The following EDARADD variants were observed in gnomAD, a reference collection of about 807,000 sequenced individuals.
EDARADD encodes the protein EDAR associated via death domain.
Under a neutral mutation model 25.6 loss-of-function variants are expected in EDARADD, and 20 were observed. That is an observed-to-expected ratio of 0.78 (90% CI 0.55 to 1.14). The LOEUF (loss-of-function observed/expected upper bound fraction) is 1.14, where lower values mean the gene tolerates loss of function less well. Ranked by LOEUF, EDARADD falls within the 50% of genes most tolerant of loss-of-function variation. The pLI is 0.00. For missense variants in EDARADD, 225 were observed against 270.1 expected (o/e 0.83, Z 1.17); for synonymous variants, 86 against 94.4 (o/e 0.91, Z 0.52).
chr1:236,362,532 G>A (rs1394594406), intron 3 of EDARADD, among the ~76,000 whole-genome samples: 2 of 152,118 alleles, frequency 1.3e-5, no homozygotes, highest in African/African-American at 4.8e-5. Flanking sequence ...CTTTTGTAGA[G>A]CAGAAGTTTT....
At position 236,466,928 on chromosome 1, in the gene EDARADD, G is replaced by A. The variant is rs112949865; in HGVS notation, c.220-1303G>A. 5.4e-3 allele frequency among the ~76,000 whole-genome samples: 826 copies of A among 152,186 alleles called. 2 individuals are homozygous for A. The highest frequency in any genetic ancestry group is 9.3e-3 in the African/African-American group (385 of 41,532). ...CTAAAAATACAAAAATTAGCCAGGC[G>A]TGGTGGCGGGTGGCTGTAGTCCCAG... On this transcript the variant is annotated intron_variant, in intron 4 of 5. Coordinates refer to ENST00000334232, the MANE Select transcript of EDARADD (RefSeq NM_145861.4).
chr1:236,477,501 A>G (rs1659542515), intron 5 of EDARADD, among the ~76,000 whole-genome samples: 1 of 152,156 alleles, frequency 6.6e-6, no homozygotes, highest in Non-Finnish European at 1.5e-5. Flanking sequence ...TTCTCACTAC[A>G]AAGCAGGGTC....
At chr1:236,354,157 T>G (rs1666949815) in intron 3 of EDARADD, among the ~76,000 whole-genome samples, 1 of 152,180 alleles carries the variant, frequency 6.6e-6, no homozygotes, top group African/African-American at 2.4e-5. Context: ...CAGCACAATT[T>G]ATTCCTATAA....
chr1:236,438,168 A>T (rs1658310163), intron 4 of EDARADD, among the ~76,000 whole-genome samples: 1 of 152,108 alleles, frequency 6.6e-6, no homozygotes, highest in South Asian at 2.1e-4. Context: ...AGCCAGTCAT[A>T]TTGAGTTAGG....
intron 4 of EDARADD, 101 bp from the exon 5 acceptor site, chr1:236,468,130 C>CT (rs1659264785): frequency 4.3e-6 from 5 of 1,171,852 alleles, no homozygotes; most frequent in Non-Finnish European, 5.1e-6. Flanking sequence ...CCCACCCCAG[C>CT]CCCCAGGGTT....
intron 3 of EDARADD, among the ~76,000 whole-genome samples, chr1:236,383,635 CA>C (rs1667324836): frequency 6.6e-6 from 1 of 152,184 alleles, no homozygotes; most frequent in Non-Finnish European, 1.5e-5. Context: ...AAAGGAATTA[CA>C]TGTAGTTATA....
At chr1:236,420,254 A>G (rs1558118180) in intron 3 of EDARADD, among the ~76,000 whole-genome samples, 1 of 152,148 alleles carries the variant, frequency 6.6e-6, no homozygotes, top group Non-Finnish European at 1.5e-5. Flanking sequence ...TAATCAATCA[A>G]TCCCTCACTT....
At chr1:236,474,041 C>T (rs1420847821) in intron 5 of EDARADD, among the ~76,000 whole-genome samples, 2 of 152,164 alleles carry the variant, frequency 1.3e-5, no homozygotes, top group Non-Finnish European at 2.9e-5. Context: ...CTGCCACCTC[C>T]ATTTTATAGA....
Position 236,431,845 on chromosome 1 carries a change from C to T in EDARADD, c.219+4395C>T, listed in dbSNP as rs1322826739. Among the ~76,000 whole-genome samples, 3 of 63,746 alleles carry T rather than the reference C, an allele frequency of 4.7e-5. 1 individual carries two copies. Among genetic ancestry groups the T allele is most frequent in the Non-Finnish European group, 1.5e-4 (3 of 19,992 alleles). 41.8% of individuals were successfully genotyped at this position (63,746 alleles called of 152,430 possible). Reference sequence around the variant, plus strand: ...CTGAGGCAGGAGAATGGCGTGAACCCGGGAAGCGGAGCTTGCAGTGAGCCG... The same window carrying T: ...CTGAGGCAGGAGAATGGCGTGAACCTGGGAAGCGGAGCTTGCAGTGAGCCG... On this transcript the variant is annotated intron_variant, in intron 4 of 5. Coordinates refer to ENST00000334232, the MANE Select transcript of EDARADD (RefSeq NM_145861.4).
chr1:236,478,468 G>GTA (rs1004889081), intron 5 of EDARADD, among the ~76,000 whole-genome samples: 19 of 149,672 alleles, frequency 1.3e-4, no homozygotes, highest in East Asian at 3.9e-4. Flanking sequence ...GTGTGTGTGT[G>GTA]TATATATATA....
intron 5 of EDARADD, among the ~76,000 whole-genome samples, chr1:236,475,624 A>G (rs1469800959): frequency 6.6e-6 from 1 of 151,614 alleles, no homozygotes; most frequent in Non-Finnish European, 1.5e-5. Flanking sequence ...ATTAGCTGGC[A>G]GTAGTGGCAG....
Position 236,444,259 on chromosome 1 carries a change from A to T in EDARADD, c.219+16809A>T, listed in dbSNP as rs1048975561. Among the ~76,000 whole-genome samples the T allele has an allele frequency of 1.6e-4, 25 of 152,076 alleles. 1 individual carries two copies. The South Asian group carries it at 5.0e-3, about 30-fold the overall frequency. On this transcript the variant is annotated intron_variant, in intron 4 of 5. Transcript: ENST00000334232. ...TTATTAACTATGTTTTATTATTATT[A>T]TTATTTTATTTTATGTTTAGTTAAA...
intron 3 of EDARADD, among the ~76,000 whole-genome samples, chr1:236,351,841 G>A (rs1381978205): frequency 6.6e-6 from 1 of 152,126 alleles, no homozygotes; most frequent in East Asian, 1.9e-4. Flanking sequence ...GGGTTTGGGG[G>A]TGCTACCTTT....
intron 5 of EDARADD, among the ~76,000 whole-genome samples, chr1:236,470,936 G>T (rs954542153): frequency 6.6e-6 from 1 of 151,892 alleles, no homozygotes. Flanking sequence ...AAGGACGGGG[G>T]TTCCCCATGT....
chr1:236,351,221 C>A (rs1334982180), intron 3 of EDARADD, among the ~76,000 whole-genome samples: 1 of 152,114 alleles, frequency 6.6e-6, no homozygotes, highest in Non-Finnish European at 1.5e-5. Context: ...TCTATGCTCT[C>A]GGGAAGCAAT....
At chr1:236,393,858 C>T (rs1012834778), upstream of EDARADD, among the ~76,000 whole-genome samples, 11 of 151,790 alleles carry the variant, frequency 7.2e-5, no homozygotes, top group African/African-American at 2.7e-4. Context: ...ACAATAGCAC[C>T]CATTTGCGTC....
chr1:236,352,719 G>A (rs1166926147), intron 3 of EDARADD, among the ~76,000 whole-genome samples: 1 of 152,152 alleles, frequency 6.6e-6, no homozygotes, highest in African/African-American at 2.4e-5. Context: ...GTGGTGGTGG[G>A]CACCTGTAAT....
chr1:236,429,875 ATATT>A (rs1421462239), intron 4 of EDARADD, among the ~76,000 whole-genome samples: 3 of 152,236 alleles, frequency 2.0e-5, no homozygotes, highest in Non-Finnish European at 4.4e-5. Flanking sequence ...TTGCTTAACT[ATATT>A]TACAGCATTC....
At chr1:236,392,352 A>G (rs1460550685), upstream of EDARADD, among the ~76,000 whole-genome samples, 2 of 152,048 alleles carry the variant, frequency 1.3e-5, no homozygotes, top group African/African-American at 4.8e-5. Flanking sequence ...TTGCCTGGAG[A>G]CAGGGTCTCA....
Sources: allele counts gnomAD v4.1 joint callset (sites outside exome capture counted in the v4.1 genomes callset), GRCh38; gene constraint gnomAD v4.1.1; transcripts MANE v1.5; gene names NCBI Gene and HGNC (gene_info 2026-07-23, HGNC 2026-07-21).